Variants in CCDC60 observed in about 807,000 individuals in gnomAD.
CCDC60 encodes the protein coiled-coil domain-containing protein 60.
CCDC60 carries 54 observed loss-of-function variants against 63.5 expected under a neutral mutation model. The ratio of observed to expected loss-of-function variants is 0.85; its 90% CI spans 0.68 to 1.07. The LOEUF is 1.07. CCDC60 is among the 50% of genes least tolerant of loss of function. CCDC60 has a pLI of 0.00. For missense variants in CCDC60, 651 were observed against 684.3 expected (o/e 0.95, Z 0.54); for synonymous variants, 206 against 238.8 (o/e 0.86, Z 1.27).
chr12:119,377,254 CA>C (rs60100165), intron 1 of CCDC60, among the ~76,000 whole-genome samples: 8,860 of 47,494 alleles, frequency 0.19, 67 homozygotes, highest in Non-Finnish European at 0.25. Context: ...CACTCCATCT[CA>C]AAAAAAAAAA....
chr12:119,371,509 A>G (rs1334385836), intron 1 of CCDC60, among the ~76,000 whole-genome samples: 1 of 152,232 alleles, frequency 6.6e-6, no homozygotes, highest in Non-Finnish European at 1.5e-5. Context: ...GAAAAAAACA[A>G]CTACCCTTAT....
intron 7 of CCDC60, among the ~76,000 whole-genome samples, chr12:119,507,614 A>ATATATAT (rs1368858215): frequency 9.9e-5 from 5 of 50,494 alleles, no homozygotes; most frequent in Non-Finnish European, 1.7e-4. Flanking sequence ...ATATATATAT[A>ATATATAT]TTTTTTTTTT....
intron 1 of CCDC60, among the ~76,000 whole-genome samples, chr12:119,417,220 G>A (rs1298167622): frequency 6.6e-6 from 1 of 152,116 alleles, no homozygotes; most frequent in Non-Finnish European, 1.5e-5. Flanking sequence ...AGGACACTTG[G>A]CAATGTCTGG....
At chr12:119,473,830 A>G (rs1017637441) in intron 3 of CCDC60, among the ~76,000 whole-genome samples, 1 of 152,150 alleles carries the variant, frequency 6.6e-6, no homozygotes, top group Non-Finnish European at 1.5e-5. Flanking sequence ...GTATATATAT[A>G]TGTATATACA....
chr12:119,447,195 T>C (rs1324130400), intron 2 of CCDC60, among the ~76,000 whole-genome samples: 1 of 152,154 alleles, frequency 6.6e-6, no homozygotes, highest in East Asian at 1.9e-4. Context: ...AACCACCCCA[T>C]GTCCAGGAGG....
intron 4 of CCDC60, among the ~76,000 whole-genome samples, 170 bp from the exon 5 acceptor site, chr12:119,488,588 GC>G (rs1286232243): frequency 6.6e-6 from 1 of 152,166 alleles, no homozygotes; most frequent in Non-Finnish European, 1.5e-5. Flanking sequence ...TATCTCATGG[GC>G]CCATTGCAAA....
chr12:119,508,107 AT>A (rs1270685722), intron 7 of CCDC60, among the ~76,000 whole-genome samples: 1 of 151,674 alleles, frequency 6.6e-6, no homozygotes, highest in Non-Finnish European at 1.5e-5. Flanking sequence ...GGATTTCAAG[AT>A]TGCAGTGAAT....
At chr12:119,506,344 T>C (rs1270466920) in intron 7 of CCDC60, among the ~76,000 whole-genome samples, 1 of 151,266 alleles carries the variant, frequency 6.6e-6, no homozygotes, top group African/African-American at 2.4e-5. Flanking sequence ...GGCTCATGTC[T>C]GTAATCCCAG....
At chr12:119,500,209 C>G (rs763543436) in intron 6 of CCDC60, 41 bp downstream of exon 6, 2 of 1,342,394 alleles carry the variant, frequency 1.5e-6, no homozygotes, top group South Asian at 2.4e-5. Context: ...GCTCCTAGGT[C>G]CCAGCTTGTG....
At position 119,505,148 on chromosome 12, in the gene CCDC60, G is replaced by T. The variant is rs750397643; in HGVS notation, c.728G>T (p.Arg243Leu). The change falls in exon 7 of 14, where the codon CGG becomes CTG. Residue 243 changes from arginine to leucine, a missense_variant. Physicochemically the swap from Arg to Leu is moderately radical, Grantham distance 102. Transcript: ENST00000327554. ...CGAGGCTCCACACTCAGTCTGAGTC[G>T]GGCCAGTGGGGGGTCCTCTCCCCAG... ...SRRGSTLSLS[R>L]ASGGSSPQSS... The T allele has an allele frequency of 4.3e-6, 7 of 1,613,978 alleles. No individual in the cohort carries two copies. In the East Asian group the frequency reaches 1.6e-4, roughly 36 times the overall value.
At chr12:119,535,925 T>C (rs1952990687) in intron 13 of CCDC60, among the ~76,000 whole-genome samples, 1 of 152,212 alleles carries the variant, frequency 6.6e-6, no homozygotes, top group African/African-American at 2.4e-5. Flanking sequence ...TAGATGTCTA[T>C]TAGGTCTGCT....
rs972516263 is a variant in CCDC60 at position 119,539,867 on chromosome 12, G to A, written c.1552-747G>A. 4.6e-5 allele frequency among the ~76,000 whole-genome samples: 7 copies of A among 152,336 alleles called. No individual in the cohort carries two copies. The East Asian group carries it at 5.8e-4, about 13-fold the overall frequency. On this transcript the variant is annotated intron_variant, in intron 13 of 13. Transcript: ENST00000327554. The stretch of plus-strand genomic sequence containing the variant: ...GGGTTGTGGAGACCATGGGAAAAGC[G>A]TAGTATCTGGGCCAGAATGCACTGT...
At chr12:119,524,469 A>T in intron 11 of CCDC60, 1 of 984,066 alleles carries the variant, frequency 1.0e-6, no homozygotes, top group African/African-American at 1.7e-5. Flanking sequence ...AGCCCGTTGC[A>T]CTCTCATTTT....
At chr12:119,531,546 AG>A (rs1952842360) in intron 13 of CCDC60, among the ~76,000 whole-genome samples, 1 of 152,194 alleles carries the variant, frequency 6.6e-6, no homozygotes, top group African/African-American at 2.4e-5. Flanking sequence ...GTGACTTTTA[AG>A]GCAAGACCAG....
At chr12:119,423,245 G>A (rs1034433729) in intron 1 of CCDC60, among the ~76,000 whole-genome samples, 13 of 152,170 alleles carry the variant, frequency 8.5e-5, no homozygotes, top group African/African-American at 2.9e-4. Flanking sequence ...AAAACTCTGG[G>A]AACCTCAGGC....
At chr12:119,442,071 C>T (rs1950457676) in intron 2 of CCDC60, among the ~76,000 whole-genome samples, 2 of 151,966 alleles carry the variant, frequency 1.3e-5, no homozygotes, top group South Asian at 2.1e-4. Flanking sequence ...TAAAACTATC[C>T]ATAATTACCC....
chr12:119,440,264 C>T (rs908878155), intron 2 of CCDC60, among the ~76,000 whole-genome samples: 5 of 152,208 alleles, frequency 3.3e-5, no homozygotes, highest in African/African-American at 1.2e-4. Flanking sequence ...GGCACGGTGG[C>T]TCACGTCTGT....
intron 1 of CCDC60, among the ~76,000 whole-genome samples, chr12:119,417,570 T>A (rs1956724957): frequency 6.6e-6 from 1 of 152,162 alleles, no homozygotes. Context: ...ACAATCAGGC[T>A]CTGTCCCCCT....
chr12:119,533,723 G>T (rs1453845839), intron 13 of CCDC60, among the ~76,000 whole-genome samples: 1 of 152,140 alleles, frequency 6.6e-6, no homozygotes, highest in Admixed American at 6.5e-5. Flanking sequence ...AAGATCAGAT[G>T]GTTGTAGATG....
Sources: allele counts gnomAD v4.1 joint callset (sites outside exome capture counted in the v4.1 genomes callset), GRCh38; gene constraint gnomAD v4.1.1; transcripts MANE v1.5; gene names NCBI Gene and HGNC (gene_info 2026-07-23, HGNC 2026-07-21).